Variants in SLC25A26 observed in about 807,000 individuals in gnomAD.
The protein encoded by SLC25A26 is solute carrier family 25 member 26.
Under a neutral mutation model 37.8 loss-of-function variants are expected in SLC25A26, and 36 were observed. The ratio of observed to expected loss-of-function variants is 0.95; its 90% confidence interval spans 0.73 to 1.26. SLC25A26 has a LOEUF of 1.26. Among genes scored for constraint, SLC25A26 ranks in the 50% most tolerant of loss-of-function variants. The pLI is 0.00. For synonymous variants in SLC25A26, 129 were observed against 122.5 expected (o/e 1.05, Z -0.35); for missense variants, 390 against 331.1 (o/e 1.18, Z -1.38).
intron 6 of SLC25A26, among the ~76,000 whole-genome samples, chr3:66,352,974 C>A (rs72902985): frequency 2.6e-4 from 40 of 152,330 alleles, no homozygotes; most frequent in Admixed American, 8.5e-4. Context: ...TATGCACTTA[C>A]ATCATTGGAA....
At chr3:66,372,959 TC>T (rs994989973) in intron 9 of SLC25A26, among the ~76,000 whole-genome samples, 1 of 152,140 alleles carries the variant, frequency 6.6e-6, no homozygotes, top group Non-Finnish European at 1.5e-5. Context: ...CGGGGTCAAG[TC>T]AAGTGGCGAC....
At chr3:66,174,494 T>TA (rs2070545532) in intron 1 of SLC25A26, among the ~76,000 whole-genome samples, 1 of 152,116 alleles carries the variant, frequency 6.6e-6, no homozygotes. Context: ...GAAAATGCTC[T>TA]ATGAGGCTAG....
At chr3:66,206,389 T>C (rs1361856863) in intron 1 of SLC25A26, among the ~76,000 whole-genome samples, 1 of 152,164 alleles carries the variant, frequency 6.6e-6, no homozygotes, top group East Asian at 1.9e-4. Context: ...TAGCCAGTTG[T>C]GCACCATTTA....
chr3:66,350,777 C>A (rs1412078093), intron 6 of SLC25A26, among the ~76,000 whole-genome samples: 1 of 152,100 alleles, frequency 6.6e-6, no homozygotes, highest in Non-Finnish European at 1.5e-5. Context: ...GCCAGAATAG[C>A]CTCCTTACTG....
At chr3:66,147,058 C>G (rs1484013311) in intron 1 of SLC25A26, among the ~76,000 whole-genome samples, 1 of 62,428 alleles carries the variant, frequency 1.6e-5, no homozygotes, top group Non-Finnish European at 3.2e-5. Flanking sequence ...CCTTCCCTTC[C>G]CTTCCCTCCC....
At chr3:66,352,441 TG>T (rs202083853) in intron 6 of SLC25A26, among the ~76,000 whole-genome samples, 6,683 of 136,348 alleles carry the variant, frequency 0.049, 189 homozygotes, top group South Asian at 0.079. Flanking sequence ...TTTTGTTTTT[TG>T]TTTTTTTTTT....
intron 1 of SLC25A26, among the ~76,000 whole-genome samples, chr3:66,143,457 T>C (rs2070067314): frequency 1.3e-5 from 2 of 152,200 alleles, no homozygotes; most frequent in African/African-American, 4.8e-5. Flanking sequence ...GGCAACACAA[T>C]TATTGAGCCA....
chr3:66,159,706 A>G (rs1391411526), intron 1 of SLC25A26, among the ~76,000 whole-genome samples: 2 of 152,188 alleles, frequency 1.3e-5, no homozygotes, highest in Non-Finnish European at 2.9e-5. Flanking sequence ...ATGTACTCGA[A>G]AAGCCTGATA....
At chr3:66,170,791 GTTTTTTTTTTTTTTT>G (rs36147154) in intron 1 of SLC25A26, among the ~76,000 whole-genome samples, 3 of 50,896 alleles carry the variant, frequency 5.9e-5, no homozygotes, top group African/African-American at 2.2e-4. Flanking sequence ...TGTGATTATT[GTTTTTTTTTTTTTTT>G]TTTTTTTTTT....
intron 5 of SLC25A26, among the ~76,000 whole-genome samples, chr3:66,275,925 T>C (rs1034833334): frequency 3.3e-5 from 5 of 152,118 alleles, no homozygotes; most frequent in Admixed American, 3.3e-4. Context: ...ACCCTTGATG[T>C]TCTCATTACT....
chr3:66,304,571 T>G, intron 5 of SLC25A26: 1 of 439,762 alleles, frequency 2.3e-6, no homozygotes, highest in Non-Finnish European at 4.5e-6. Context: ...TTGCTGAACA[T>G]GCTAACTGGG....
intron 1 of SLC25A26, among the ~76,000 whole-genome samples, chr3:66,146,680 C>A (rs2070119064): frequency 6.6e-6 from 1 of 152,076 alleles, no homozygotes; most frequent in South Asian, 2.1e-4. Context: ...ATGGCACATT[C>A]AGGATTTTTT....
rs947515346 is a variant in SLC25A26, at chr3:66,324,647, C to T, written c.454-21717C>T. On this transcript the variant is annotated intron_variant, in intron 5 of 9. Transcript: ENST00000354883. ...TCAAAGTTAAACTCTGAACTAAATT[C>T]CTCCCAAAGTTAGTTTGGCCTACAC... 3.5e-4 allele frequency among the ~76,000 whole-genome samples: 53 copies of T among 152,152 alleles called. 2 individuals are homozygous for T. The highest frequency in any genetic ancestry group is 2.6e-4 in the Admixed American group (4 of 15,274).
At chr3:66,370,663 A>G (rs1575621105) in intron 9 of SLC25A26, 61 bp downstream of exon 9, 1 of 1,351,382 alleles carries the variant, frequency 7.4e-7, no homozygotes, top group Non-Finnish European at 1.0e-6. Flanking sequence ...CCTTTAGCCT[A>G]ACTTTGGATG....
intron 5 of SLC25A26, among the ~76,000 whole-genome samples, chr3:66,308,662 T>TCATAACTATTC (rs779997556): frequency 2.0e-5 from 3 of 152,312 alleles, no homozygotes; most frequent in African/African-American, 7.2e-5. Flanking sequence ...CCATAACTAT[T>TCATAACTATTC]CATAACTATT....
chr3:66,253,350 G>T (rs1251887453), intron 3 of SLC25A26, among the ~76,000 whole-genome samples: 1 of 150,726 alleles, frequency 6.6e-6, no homozygotes, highest in African/African-American at 2.4e-5. Context: ...GGTGGAGCTT[G>T]CAGATCGCGC....
chr3:66,265,380 A>G (rs2073705194), intron 5 of SLC25A26, among the ~76,000 whole-genome samples: 1 of 152,204 alleles, frequency 6.6e-6, no homozygotes, highest in Admixed American at 6.5e-5. Context: ...ATCTTGAAAA[A>G]GTTAGTTTTT....
At chr3:66,337,745 A>G (rs2076122834) in intron 5 of SLC25A26, among the ~76,000 whole-genome samples, 2 of 151,958 alleles carry the variant, frequency 1.3e-5, no homozygotes, top group Admixed American at 6.6e-5. Flanking sequence ...ATTATGGAAA[A>G]TTTCAGATGT....
intron 9 of SLC25A26, among the ~76,000 whole-genome samples, chr3:66,375,955 C>A (rs946609490): frequency 2.0e-5 from 3 of 151,266 alleles, no homozygotes; most frequent in African/African-American, 7.3e-5. Context: ...CCAGTAAGAA[C>A]ATTAGTGGCT....
Sources: gnomAD v4.1 joint callset for allele counts (sites outside exome capture counted in the v4.1 genomes callset) on GRCh38, gnomAD v4.1.1 for gene constraint, MANE v1.5 for transcripts, NCBI Gene and HGNC (gene_info 2026-07-23, HGNC 2026-07-21) for gene names.